The following DDX51 variants were observed in gnomAD, a reference collection of about 807,000 sequenced individuals.
The protein encoded by DDX51 is DEAD-box helicase 51.
In DDX51, 67 loss-of-function variants were observed where a neutral mutation model predicts 74.6. The ratio of observed to expected loss-of-function variants is 0.90; its 90% confidence interval spans 0.74 to 1.10. The LOEUF (loss-of-function observed/expected upper bound fraction) is 1.10. Among genes scored for constraint, DDX51 ranks in the 50% least tolerant of loss-of-function variants. The probability of loss-of-function intolerance (pLI) is 0.00; values close to 1 mark genes in which losing one functional copy is unlikely to be tolerated. For missense variants in DDX51, 1,056 were observed against 905.2 expected (o/e 1.17, Z -2.14); for synonymous variants, 545 against 402.9 (o/e 1.35, Z -4.22).
At position 132,144,268 on chromosome 12, in the gene DDX51, G is replaced by A. The variant is rs1257970293; in HGVS notation, c.29C>T (p.Pro10Leu). MALFYVARY[P>L]GPDAAAAAGP... ...CGCCGCAGCTGCCGCATCGGGGCCC[G>A]GGTACCGCGCGACGTAGAACAGCGC... The change falls in exon 1 of 15, where the codon CCG (proline) becomes CTG (leucine). Residue 10 changes from proline to leucine, a missense_variant. Pro to Leu is a moderately conservative substitution (Grantham distance 98). Transcript: ENST00000397333. 1.6e-6 allele frequency: 2 copies of A among 1,249,686 alleles called. No homozygotes were observed. Among genetic ancestry groups the A allele is most frequent in the African/African-American group, 1.6e-5 (1 of 64,304 alleles). 77.4% of individuals were successfully genotyped at this position (1,249,686 alleles called of 1,614,324 possible). A position where few individuals can be genotyped will look rare whatever the true frequency, so the allele number is the denominator to read the frequency against.
In DDX51 at chr12:132,140,685, G is replaced by A. The variant is rs1162740779; in HGVS notation, c.1491C>T (p.His497=). The A allele has an allele frequency of 6.2e-6, 10 of 1,613,128 alleles. No individual in the cohort carries two copies. Among genetic ancestry groups the A allele is most frequent in the African/African-American group, 1.3e-5 (1 of 75,062 alleles). Residue 497 remains histidine (H), a synonymous_variant, in exon 10 of 15, where the codon CAC becomes CAT. Coordinates refer to ENST00000397333, the MANE Select transcript of DDX51 (RefSeq NM_175066.4). ...TCGAGAAGCCCATCTCCAGGACCAG[G>A]TGCAGGACGACCAGCGGCTTAGAGC... is the stretch of plus-strand genomic sequence containing the variant. ...SLSSKPLVVL[H]LVLEMGFSRV... is the part of the protein sequence containing the mutation.
At position 132,139,875 on chromosome 12, in the gene DDX51, G is replaced by A; in HGVS notation, c.1825C>T (p.Leu609Phe). 6.2e-7 allele frequency: 1 copy of A among 1,613,198 alleles called. No individual in the cohort carries two copies. The highest frequency in any genetic ancestry group is 8.5e-7 in the Non-Finnish European group (1 of 1,180,012). ...CGCAGCCTCACCTGCACTTTCAGGA[G>A]CAGTGTGAAGGCCTGTCCAGTTTTC... Reference protein sequence around the residue: ...AGKTGQAFTLLLKVQERRFLR... With the variant: ...AGKTGQAFTLFLKVQERRFLR... The change falls in exon 13 of 15, where the codon CTC becomes TTC. Residue 609 changes from leucine (L) to phenylalanine (F), a missense_variant. Coordinates refer to ENST00000397333, the MANE Select transcript of DDX51 (RefSeq NM_175066.4).
rs753033097 is a variant in DDX51, at chr12:132,143,878, G to A, written c.336C>T (p.Ser112=). The change falls in exon 2 of 15, where the codon AGC becomes AGT. Residue 112 remains serine (S), a synonymous_variant. Coordinates refer to ENST00000397333, the MANE Select transcript of DDX51 (RefSeq NM_175066.4). ...ESNEEAPGEP[S]AGSSEEAPGE... is the part of the protein sequence containing the mutation. ...CTGGCGCCTCCTCGCTGCTCCCTGC[G>A]CTGGGCTCCCCTGGCGCCTCCTCGT... 1.8e-4 allele frequency: 277 copies of A among 1,527,096 alleles called. No individual in the cohort carries two copies. The highest frequency in any genetic ancestry group is 2.3e-4 in the Non-Finnish European group (264 of 1,145,066). The allele number at this position is 1,527,096 out of a possible 1,614,324, so 94.6% of individuals were successfully genotyped here.
At position 132,139,849 on chromosome 12, in the gene DDX51, T is replaced by G; in HGVS notation, c.1839+12A>C. Reference sequence around the variant, plus strand: ...CCAACAGCAGAAACTCCCAAGACCCTCGCAGCCTCACCTGCACTTTCAGGA... The same window carrying G: ...CCAACAGCAGAAACTCCCAAGACCCGCGCAGCCTCACCTGCACTTTCAGGA... On this transcript the variant is annotated intron_variant, in intron 13 of 14. Transcript: ENST00000397333. 1 of 1,613,104 alleles carries G rather than the reference T, an allele frequency of 6.2e-7. No homozygotes were observed. Among genetic ancestry groups the G allele is most frequent in the Non-Finnish European group, 8.5e-7 (1 of 1,179,944 alleles).
Position 132,138,278 on chromosome 12 carries a change from G to C in DDX51, c.*994C>G, listed in dbSNP as rs1004723334. On this transcript the variant is annotated 3_prime_UTR_variant, in exon 15 of 15. Coordinates refer to ENST00000397333, the MANE Select transcript of DDX51 (RefSeq NM_175066.4). ...GACCTTCCCACCAGCAATATGTGAG[G>C]TGTCCACTGAACAGTCACAAGGTTC... The C allele has an allele frequency of 6.6e-6, 1 of 152,322 alleles. No homozygotes were observed. Among genetic ancestry groups the C allele is most frequent in the African/African-American group, 2.4e-5 (1 of 41,468 alleles). The allele number at this position is 152,322 out of a possible 1,614,324, so 9.4% of individuals were successfully genotyped here.
intron 3 of DDX51, 83 bp from the exon 4 acceptor site, chr12:132,142,505 G>A (rs1897506282): frequency 4.5e-6 from 7 of 1,546,570 alleles, no homozygotes; most frequent in Non-Finnish European, 8.7e-7. Flanking sequence ...CTCTGGGCTG[G>A]GCTGCTCTGC....
In DDX51 at chr12:132,142,109, G is replaced by C; in HGVS notation, c.888+10C>G. The C allele has an allele frequency of 6.4e-7, 1 of 1,552,818 alleles. No individual in the cohort carries two copies. The highest frequency in any genetic ancestry group is 8.7e-7 in the Non-Finnish European group (1 of 1,149,750). On this transcript the variant is annotated intron_variant, in intron 5 of 14. Transcript: ENST00000397333. ...GGCGGTGCCACGCTCCAGGTCTAGG[G>C]TCCACATACCTGCTGGGCCAGCTCC...
chr12:132,143,011 G>C, intron 2 of DDX51, 133 bp from the exon 3 acceptor site: 6 of 1,211,074 alleles, frequency 5.0e-6, no homozygotes, highest in African/African-American at 1.5e-5. Context: ...GCCCCAGGAT[G>C]CGCTTTCCAT....
Position 132,140,480 on chromosome 12 carries a change from T to C in DDX51, c.1616A>G (p.Tyr539Cys). 6.2e-7 allele frequency: 1 copy of C among 1,613,182 alleles called. No homozygotes were observed. The highest frequency in any genetic ancestry group is 8.5e-7 in the Non-Finnish European group (1 of 1,180,016). ...GVDVAEFSSR[Y>C]GPGQRRMILK... ...GATCATCCTCCTCTGGCCAGGCCCG[T>C]AGCGCGAGGAGAACTCAGCCACGTC... is the stretch of plus-strand genomic sequence containing the variant. Residue 539 changes from tyrosine (Y) to cysteine (C), a missense_variant, in exon 11 of 15, where the codon TAC becomes TGC. Physicochemically the swap from Tyr to Cys is radical, Grantham distance 194 (BLOSUM62 -2). Transcript: ENST00000397333.
chr12:132,144,015 C>A lies in DDX51; in HGVS notation c.282G>T (p.Ala94=). 1 of 1,369,722 alleles carries A rather than the reference C, an allele frequency of 7.3e-7. No individual in the cohort carries two copies. Among genetic ancestry groups the A allele is most frequent in the Non-Finnish European group, 9.4e-7 (1 of 1,066,728 alleles). The allele number at this position is 1,369,722 out of a possible 1,614,324, so 84.8% of individuals were successfully genotyped here. A position where few individuals can be genotyped will look rare whatever the true frequency, so the allele number is the denominator to read the frequency against. Residue 94 remains alanine (A), a synonymous_variant, in exon 1 of 15, where the codon GCG becomes GCT. Coordinates refer to ENST00000397333, the MANE Select transcript of DDX51 (RefSeq NM_175066.4). ...CACCTGCGCCCGCGTCCTCGCCGTC[C>A]GCCTTCCGTCGCTTTCCCTGCGGCG... ...PEAPQGKRRK[A]DGEDAGAESN...
In DDX51 at chr12:132,141,500, G is replaced by C. The variant is rs367545096; in HGVS notation, c.1102C>G (p.Leu368Val). The change falls in exon 7 of 15, where the codon CTG becomes GTG. Residue 368 changes from leucine to valine, a missense_variant and splice_region_variant. By Grantham distance (32) the Leu-to-Val change is conservative. Coordinates refer to ENST00000397333, the MANE Select transcript of DDX51 (RefSeq NM_175066.4). ...AGGCCCCTGGGGCGGGGACCTACCA[G>C]GAAGCGGAGCTGCTGGAGGCTGAAT... is the stretch of plus-strand genomic sequence containing the variant. ...PGFSLQQLRF[L>V]IIDEADRMID... 1.9e-6 allele frequency: 3 copies of C among 1,589,990 alleles called. No individual in the cohort carries two copies. The highest frequency in any genetic ancestry group is 2.7e-5 in the African/African-American group (2 of 74,574).
In DDX51 at chr12:132,138,489, T is replaced by G. The variant is rs1897333838; in HGVS notation, c.*783A>C. Reference sequence around the variant, plus strand: ...CACCACGCCCGGCTAGTTGTTTTTTTTTTTTTTTTGTATTTTTAGTAGAGA... The same window carrying G: ...CACCACGCCCGGCTAGTTGTTTTTTGTTTTTTTTTGTATTTTTAGTAGAGA... On this transcript the variant is annotated 3_prime_UTR_variant, in exon 15 of 15. Coordinates refer to ENST00000397333, the MANE Select transcript of DDX51 (RefSeq NM_175066.4). 2 of 150,472 alleles carry G rather than the reference T, an allele frequency of 1.3e-5. No homozygotes were observed. The highest frequency in any genetic ancestry group is 4.9e-5 in the African/African-American group (2 of 40,922). 9.3% of individuals were successfully genotyped at this position (150,472 alleles called of 1,614,324 possible). A position where few individuals can be genotyped will look rare whatever the true frequency, so the allele number is the denominator to read the frequency against.
At position 132,143,918 on chromosome 12, in the gene DDX51, C is replaced by G. The variant is rs775080368; in HGVS notation, c.305-9G>C. On this transcript the variant is annotated splice_polypyrimidine_tract_variant and intron_variant, in intron 1 of 14. Coordinates refer to ENST00000397333, the MANE Select transcript of DDX51 (RefSeq NM_175066.4). Reference sequence around the variant, plus strand: ...CGCCTCCTCGTTGCTTTCTGCGAGGCAGACACCCACCCGGCAGCGCGTCAG... The same window carrying G: ...CGCCTCCTCGTTGCTTTCTGCGAGGGAGACACCCACCCGGCAGCGCGTCAG... 1.4e-5 allele frequency: 21 copies of G among 1,513,284 alleles called. No individual in the cohort carries two copies. Among genetic ancestry groups the G allele is most frequent in the Admixed American group, 2.0e-5 (1 of 49,386 alleles). The allele number at this position is 1,513,284 out of a possible 1,614,324, so 93.7% of individuals were successfully genotyped here.
At chr12:132,143,649 A>G (rs1302789411) in intron 2 of DDX51, 46 bp downstream of exon 2, 2 of 1,531,038 alleles carry the variant, frequency 1.3e-6, no homozygotes, top group Middle Eastern at 1.7e-4. Context: ...GAATCCGCGC[A>G]GCCTACCCTC....
Position 132,142,709 on chromosome 12 carries a change from C to G in DDX51, c.670+19G>C. ...CCCAGGGAGGTGTTCCCTCAGCTGC[C>G]TGCCCGGGGCTGGGGCACCTGGAAA... On this transcript the variant is annotated intron_variant, in intron 3 of 14. Coordinates refer to ENST00000397333, the MANE Select transcript of DDX51 (RefSeq NM_175066.4). The G allele has an allele frequency of 6.2e-7, 1 of 1,611,478 alleles. No individual in the cohort carries two copies. The highest frequency in any genetic ancestry group is 1.3e-5 in the African/African-American group (1 of 75,066).
At chr12:132,142,246 C>A in intron 4 of DDX51, 31 bp downstream of exon 4, 1 of 1,609,636 alleles carries the variant, frequency 6.2e-7, no homozygotes, top group Non-Finnish European at 8.5e-7. Context: ...TCTGCACACC[C>A]GCTGTAGAGA....
In DDX51 at chr12:132,141,548, C is replaced by A. The variant is rs1415352798; in HGVS notation, c.1054G>T (p.Asp352Tyr). 1.2e-6 allele frequency: 2 copies of A among 1,604,700 alleles called. No homozygotes were observed. The highest frequency in any genetic ancestry group is 1.7e-5 in the Admixed American group (1 of 59,682). ...AATCCTGGGGTCTGGTCGATGTGGTCCACCAGGCGGCCGGGGGTGGCTACC... is the reference window on the plus strand; with the variant it reads ...AATCCTGGGGTCTGGTCGATGTGGTACACCAGGCGGCCGGGGGTGGCTACC... ...IVVATPGRLV[D>Y]HIDQTPGFSL... is the part of the protein sequence containing the mutation. Residue 352 changes from aspartate to tyrosine, a missense_variant, in exon 7 of 15, where the codon GAC becomes TAC. By Grantham distance (160) the Asp-to-Tyr change is radical. Transcript: ENST00000397333.
In DDX51 at chr12:132,143,846, G is replaced by A. The variant is rs182119892; in HGVS notation, c.368C>T (p.Pro123Leu). ...CGCCTCCTCGCTGCTCCCTGCGCTG[G>A]GCTCCCCTGGCGCCTCCTCGCTGCT... ...AGSSEEAPGE[P>L]SAGSSEEAPG... Residue 123 changes from proline to leucine, a missense_variant, in exon 2 of 15, where the codon CCC (proline) becomes CTC (leucine). Physicochemically the swap from Pro to Leu is moderately conservative, Grantham distance 98. Transcript: ENST00000397333. 6.7e-7 allele frequency: 1 copy of A among 1,497,464 alleles called. No homozygotes were observed. Among genetic ancestry groups the A allele is most frequent in the South Asian group, 1.2e-5 (1 of 82,636 alleles). The allele number at this position is 1,497,464 out of a possible 1,614,324, so 92.8% of individuals were successfully genotyped here. A position where few individuals can be genotyped will look rare whatever the true frequency, so the allele number is the denominator to read the frequency against.
In DDX51 at chr12:132,140,849, G is replaced by C; in HGVS notation, c.1422C>G (p.Ala474=). The C allele has an allele frequency of 1.2e-6, 2 of 1,613,616 alleles. No homozygotes were observed. The highest frequency in any genetic ancestry group is 1.7e-6 in the Non-Finnish European group (2 of 1,179,974). ...TDGDGDSGKY[A]FPVGLTHHYV... ...CACTCACCGTGAGCCCAACAGGAAA[G>C]GCATACTTCCCCGAATCCCCGTCCC... is the stretch of plus-strand genomic sequence containing the variant. The change falls in exon 9 of 15, where the codon GCC becomes GCG. Residue 474 remains alanine, a synonymous_variant. Transcript: ENST00000397333.
Sources: allele counts gnomAD v4.1 joint callset, GRCh38; gene constraint gnomAD v4.1.1; transcripts MANE v1.5; gene names NCBI Gene and HGNC (gene_info 2026-07-23, HGNC 2026-07-21).